CACNA1C: variants seen among roughly 807,000 people sequenced by gnomAD.
The protein encoded by CACNA1C is voltage-dependent L-type calcium channel subunit alpha-1C.
Under a neutral mutation model 229.0 loss-of-function variants are expected in CACNA1C, and 30 were observed. The observed-to-expected ratio is 0.13, with a 90% confidence interval of 0.10 to 0.18. CACNA1C has a LOEUF of 0.18. CACNA1C is among the 10% of genes least tolerant of loss of function. The probability of loss-of-function intolerance (pLI) is 1.00; values close to 1 mark genes in which losing one functional copy is unlikely to be tolerated. For synonymous variants in CACNA1C, 1,114 were observed against 1,132.5 expected, an observed-to-expected ratio of 0.98 and a Z score of 0.33; for missense variants, 1,658 against 2,845.0, an observed-to-expected ratio of 0.58 and a Z score of 9.49.
chr12:2,072,040 C>T (rs564818788), intron 1 of CACNA1C, among the ~76,000 whole-genome samples: 14 of 151,914 alleles, frequency 9.2e-5, no homozygotes, highest in Non-Finnish European at 1.5e-4. Flanking sequence ...TGAAAGTATT[C>T]GTATATTTAC....
chr12:2,055,487 A>T (rs991725114), intron 1 of CACNA1C, among the ~76,000 whole-genome samples: 8 of 152,228 alleles, frequency 5.3e-5, no homozygotes, highest in Non-Finnish European at 1.2e-4. Flanking sequence ...TTAGTGCAGG[A>T]TAAACCCCTT....
chr12:2,045,416 T>TA (rs2050874877), intron 1 of CACNA1C, among the ~76,000 whole-genome samples: 1 of 152,180 alleles, frequency 6.6e-6, no homozygotes, highest in South Asian at 2.1e-4. Flanking sequence ...CTTTGGGGTT[T>TA]AAAGCCAGGT....
intron 34 of CACNA1C, among the ~76,000 whole-genome samples, chr12:2,664,267 A>G (rs147556304): frequency 1.5e-3 from 233 of 152,324 alleles, no homozygotes; most frequent in African/African-American, 5.3e-3. Context: ...CAGTAGTGTT[A>G]TTTCTCCTAC....
In CACNA1C at chr12:2,571,306, T is replaced by C. The variant is rs551765842; in HGVS notation, c.1895+3512T>C. Among the ~76,000 whole-genome samples, 231 of 152,312 alleles carry C rather than the reference T, an allele frequency of 1.5e-3. 2 individuals are homozygous for C. The highest frequency in any genetic ancestry group is 2.7e-3 in the Non-Finnish European group (186 of 68,018). Reference sequence around the variant, plus strand: ...CTGAGAGCTGACCTGTCTTCTTGTCTAGGTCCCTGAGACAGGACTTAAAAG... The same window carrying C: ...CTGAGAGCTGACCTGTCTTCTTGTCCAGGTCCCTGAGACAGGACTTAAAAG... On this transcript the variant is annotated intron_variant, in intron 13 of 46. Coordinates refer to ENST00000399655, the MANE Select transcript of CACNA1C (RefSeq NM_000719.7).
At chr12:2,511,939 A>G (rs772027313) in intron 8 of CACNA1C, among the ~76,000 whole-genome samples, 3 of 152,166 alleles carry the variant, frequency 2.0e-5, no homozygotes, top group Non-Finnish European at 4.4e-5. Flanking sequence ...TCTTGATTTT[A>G]TGTATTTTTC....
chr12:2,493,929 C>T lies in CACNA1C; in HGVS notation c.1113+543C>T, dbSNP rs1339948693. 6.6e-6 allele frequency among the ~76,000 whole-genome samples: 1 copy of T among 152,060 alleles called. No homozygotes were observed. The highest frequency in any genetic ancestry group is 6.5e-5 in the Admixed American group (1 of 15,270). ...CTTACCTTAACATATTAGAATAGTC[C>T]ATCAGACAAATGCATTGGCAGCATT... On this transcript the variant is annotated intron_variant, in intron 7 of 46. Transcript: ENST00000399655. The surrounding 1 kb of genome is among the most constrained non-coding windows in gnomAD (Gnocchi z 4.6).
Position 2,678,349 on chromosome 12 carries a change from C to T in CACNA1C, c.5091+482C>T, listed in dbSNP as rs2096930116. On this transcript the variant is annotated intron_variant, in intron 41 of 46. Transcript: ENST00000399655. The surrounding 1 kb of genome is among the most constrained non-coding windows in gnomAD (Gnocchi z 4.1). ...GGTGGCCCTTTGAGATGGAGCATAG[C>T]GTGTGTTCTCCAGGTCTCCAAGACC... Among the ~76,000 whole-genome samples, 2 of 152,106 alleles carry T rather than the reference C, an allele frequency of 1.3e-5. No homozygotes were observed. Among genetic ancestry groups the T allele is most frequent in the Non-Finnish European group, 2.9e-5 (2 of 68,022 alleles).
intron 3 of CACNA1C, among the ~76,000 whole-genome samples, chr12:2,268,422 AT>A (rs2083298080): frequency 6.6e-6 from 1 of 152,156 alleles, no homozygotes; most frequent in South Asian, 2.1e-4. Flanking sequence ...GTTCCAGAAG[AT>A]TTCATGGATT....
At chr12:2,682,345 A>C (rs2097189186) in intron 42 of CACNA1C, among the ~76,000 whole-genome samples, 1 of 152,180 alleles carries the variant, frequency 6.6e-6, no homozygotes, top group African/African-American at 2.4e-5. Flanking sequence ...TGGGACCCTC[A>C]CCCTAATCTG....
chr12:2,126,593 T>C (rs1380887029), intron 3 of CACNA1C, among the ~76,000 whole-genome samples: 1 of 152,094 alleles, frequency 6.6e-6, no homozygotes, highest in Non-Finnish European at 1.5e-5. Flanking sequence ...GAAGTGGAGG[T>C]GGAGAGAAGA....
At chr12:2,427,596 C>G (rs907600523) in intron 3 of CACNA1C, among the ~76,000 whole-genome samples, 10 of 152,206 alleles carry the variant, frequency 6.6e-5, no homozygotes, top group African/African-American at 2.4e-4. Flanking sequence ...TAGCAATTGT[C>G]AGGCATATTT....
At chr12:2,561,414 C>T (rs929492) in intron 11 of CACNA1C, among the ~76,000 whole-genome samples, 36,814 of 152,128 alleles carry the variant, frequency 0.24, 5,720 homozygotes, top group African/African-American at 0.44. Flanking sequence ...CCTGTGAGCG[C>T]TGTGCTAGCT....
At chr12:2,310,785 T>C (rs921237793) in intron 3 of CACNA1C, among the ~76,000 whole-genome samples, 26 of 152,208 alleles carry the variant, frequency 1.7e-4, no homozygotes, top group Admixed American at 9.2e-4. Flanking sequence ...GGAGAGCTCA[T>C]GCTCTGAAGC....
chr12:2,532,317 CTCTG>C (rs1309528775), intron 9 of CACNA1C, among the ~76,000 whole-genome samples: 1 of 152,174 alleles, frequency 6.6e-6, no homozygotes, highest in African/African-American at 2.4e-5. Context: ...TCAGGGATCT[CTCTG>C]TCTCTCTCTG....
rs1222841565 is a variant in CACNA1C, at chr12:2,694,171, C to A, written c.*2972C>A. 1 of 152,236 alleles carries A rather than the reference C, an allele frequency of 6.6e-6. No individual in the cohort carries two copies. Among genetic ancestry groups the A allele is most frequent in the Non-Finnish European group, 1.5e-5 (1 of 68,052 alleles). The allele number at this position is 152,236 out of a possible 1,614,324, so 9.4% of individuals were successfully genotyped here. On this transcript the variant is annotated 3_prime_UTR_variant, in exon 47 of 47. Coordinates refer to ENST00000399655, the MANE Select transcript of CACNA1C (RefSeq NM_000719.7). ...AGGAGGACTATCCTAGCTTGACCTTCTGATCCACTAGAATAAGACTGGCGT... is the reference window on the plus strand; with the variant it reads ...AGGAGGACTATCCTAGCTTGACCTTATGATCCACTAGAATAAGACTGGCGT...
rs571403904 is a variant in CACNA1C at position 2,273,427 on chromosome 12, C to T, written c.477+152997C>T. On this transcript the variant is annotated intron_variant, in intron 3 of 46. Transcript: ENST00000399655. The stretch of plus-strand genomic sequence containing the variant: ...AAGTGGAGAGCCCAGGGCCCAGGCA[C>T]GGATCATTAGGGGAAGTACAGGGCT... Among the ~76,000 whole-genome samples the T allele has an allele frequency of 4.6e-5, 7 of 152,154 alleles. No homozygotes were observed. In the East Asian group the frequency reaches 5.8e-4, roughly 13 times the overall value.
At chr12:2,172,548 G>A (rs938021831) in intron 3 of CACNA1C, among the ~76,000 whole-genome samples, 1 of 152,164 alleles carries the variant, frequency 6.6e-6, no homozygotes, top group African/African-American at 2.4e-5. Context: ...AAAATAATAT[G>A]TCCAAATATC....
chr12:2,634,284 C>G lies in CACNA1C; in HGVS notation c.3829-13C>G. On this transcript the variant is annotated splice_polypyrimidine_tract_variant and intron_variant, in intron 29 of 46. Transcript: ENST00000399655. ...CTTCTTCTCTCTCTCCCCGGCTGCT[C>G]TGCCCCATGCAGCACTATTTCTGTG... 1 of 1,471,930 alleles carries G rather than the reference C, an allele frequency of 6.8e-7. No individual in the cohort carries two copies. Among genetic ancestry groups the G allele is most frequent in the Non-Finnish European group, 9.2e-7 (1 of 1,088,722 alleles). The allele number at this position is 1,471,930 out of a possible 1,614,324, so 91.2% of individuals were successfully genotyped here.
chr12:2,316,116 G>T (rs1319639550), intron 3 of CACNA1C, among the ~76,000 whole-genome samples: 1 of 152,376 alleles, frequency 6.6e-6, no homozygotes, highest in East Asian at 1.9e-4. Context: ...GAAGCTGCTG[G>T]CTCCACTAAG....
Sources: allele counts gnomAD v4.1 joint callset (sites outside exome capture counted in the v4.1 genomes callset), GRCh38; gene constraint gnomAD v4.1.1; non-coding constraint Gnocchi (gnomAD v3.1); transcripts MANE v1.5; gene names NCBI Gene and HGNC (gene_info 2026-07-23, HGNC 2026-07-21).